ROBO1: variants seen among roughly 807,000 people sequenced by gnomAD.
ROBO1 encodes roundabout guidance receptor 1.
A neutral mutation model predicts 195.9 loss-of-function variants in ROBO1; 149 were observed. That is an observed-to-expected ratio of 0.76 (90% CI 0.67 to 0.87). The LOEUF is 0.87. Among genes scored for constraint, ROBO1 ranks in the 40% least tolerant of loss-of-function variants. ROBO1 has a pLI of 0.00. For missense variants in ROBO1, 1,933 were observed against 2,068.3 expected, an observed-to-expected ratio of 0.93 and a Z score of 1.27; for synonymous variants, 816 against 733.2, an observed-to-expected ratio of 1.11 and a Z score of -1.82.
At chr3:78,675,280 G>A (rs113905275) in intron 10 of ROBO1, among the ~76,000 whole-genome samples, 33 of 152,196 alleles carry the variant, frequency 2.2e-4, no homozygotes, top group African/African-American at 7.0e-4. Context: ...CTGAGGTACC[G>A]GGTTCATCTC....
At chr3:78,664,744 C>T (rs1707635031) in intron 14 of ROBO1, among the ~76,000 whole-genome samples, 1 of 152,186 alleles carries the variant, frequency 6.6e-6, no homozygotes, top group Non-Finnish European at 1.5e-5. Flanking sequence ...TGCCTGCTCC[C>T]TTATGAATCA....
At chr3:78,891,329 T>C (rs1476606885) in intron 4 of ROBO1, among the ~76,000 whole-genome samples, 1 of 150,038 alleles carries the variant, frequency 6.7e-6, no homozygotes, top group Non-Finnish European at 1.5e-5. Context: ...GCAAAAGATA[T>C]AAGAATGGCC....
At chr3:79,269,141 T>A (rs1259741166) in intron 2 of ROBO1, among the ~76,000 whole-genome samples, 1 of 151,696 alleles carries the variant, frequency 6.6e-6, no homozygotes, top group African/African-American at 2.4e-5. Context: ...AACCTCTAAA[T>A]ACATGTGTTT....
chr3:78,737,933 A>G (rs1322726112), intron 5 of ROBO1, among the ~76,000 whole-genome samples: 2 of 152,166 alleles, frequency 1.3e-5, no homozygotes, highest in African/African-American at 4.8e-5. Flanking sequence ...CTATGTATTT[A>G]TTTTGCAGAA....
At chr3:79,452,538 C>A (rs2039479336) in intron 2 of ROBO1, among the ~76,000 whole-genome samples, 1 of 152,112 alleles carries the variant, frequency 6.6e-6, no homozygotes, top group Admixed American at 6.6e-5. Flanking sequence ...TCCACAAAGA[C>A]ATGAGTTGTG....
chr3:79,491,280 A>C (rs942658314), intron 2 of ROBO1, among the ~76,000 whole-genome samples: 1 of 151,608 alleles, frequency 6.6e-6, no homozygotes, highest in African/African-American at 2.4e-5. Flanking sequence ...GTAAGTGATT[A>C]AATACTTGAC....
intron 3 of ROBO1, among the ~76,000 whole-genome samples, chr3:79,068,731 C>T (rs2079041563): frequency 6.6e-6 from 1 of 151,592 alleles, no homozygotes; most frequent in Non-Finnish European, 1.5e-5. Context: ...AGAATAGTCC[C>T]CACTTAAAAA....
At chr3:79,484,555 G>A (rs1939046600) in intron 2 of ROBO1, among the ~76,000 whole-genome samples, 1 of 151,598 alleles carries the variant, frequency 6.6e-6, no homozygotes, top group South Asian at 2.1e-4. Context: ...TTTAATAATT[G>A]GCTGAGATTT....
intron 4 of ROBO1, among the ~76,000 whole-genome samples, chr3:78,896,003 A>G (rs1394722669): frequency 6.6e-6 from 1 of 152,236 alleles, no homozygotes; most frequent in Non-Finnish European, 1.5e-5. Flanking sequence ...ATTCATCACC[A>G]TTGACATATC....
chr3:79,036,975 C>A (rs1183292560), intron 3 of ROBO1, among the ~76,000 whole-genome samples: 2 of 152,042 alleles, frequency 1.3e-5, no homozygotes, highest in African/African-American at 4.8e-5. Flanking sequence ...TGACGTGTTT[C>A]TGAGGAAACC....
intron 1 of ROBO1, among the ~76,000 whole-genome samples, chr3:79,609,319 T>A (rs1258575207): frequency 1.3e-5 from 2 of 151,774 alleles, no homozygotes; most frequent in Admixed American, 6.6e-5. Context: ...ATTTCACTCC[T>A]ATTAGGATGG....
At chr3:78,779,302 C>T (rs1156411974) in intron 4 of ROBO1, among the ~76,000 whole-genome samples, 3 of 152,144 alleles carry the variant, frequency 2.0e-5, no homozygotes, top group African/African-American at 7.2e-5. Context: ...AAGAAACTAT[C>T]ATCAGAATGA....
At chr3:79,126,438 G>C (rs547701195) in intron 2 of ROBO1, among the ~76,000 whole-genome samples, 2 of 152,290 alleles carry the variant, frequency 1.3e-5, no homozygotes, top group Admixed American at 1.3e-4. Flanking sequence ...AGCAGTATGT[G>C]TGTATATAGA....
chr3:78,871,398 C>T (rs562858800), intron 4 of ROBO1, among the ~76,000 whole-genome samples: 126 of 152,048 alleles, frequency 8.3e-4, no homozygotes, highest in Non-Finnish European at 1.4e-3. Flanking sequence ...TTCATCCTTT[C>T]TATTGGTTTA....
At chr3:78,808,694 G>A (rs190787315) in intron 4 of ROBO1, among the ~76,000 whole-genome samples, 24 of 152,078 alleles carry the variant, frequency 1.6e-4, no homozygotes, top group Admixed American at 3.3e-4. Context: ...ATAACACCAC[G>A]CATCTACAAC....
At chr3:78,793,807 T>A (rs185395647) in intron 4 of ROBO1, among the ~76,000 whole-genome samples, 2 of 152,282 alleles carry the variant, frequency 1.3e-5, no homozygotes, top group Admixed American at 1.3e-4. Context: ...TGTCAACTGA[T>A]ATTCAGATAT....
At chr3:78,960,792 ACACACAC>A (rs1560051766) in intron 3 of ROBO1, among the ~76,000 whole-genome samples, 33 of 137,092 alleles carry the variant, frequency 2.4e-4, no homozygotes, top group African/African-American at 6.6e-4. Context: ...ACACACACAC[ACACACAC>A]ACACACACAC....
intron 2 of ROBO1, among the ~76,000 whole-genome samples, chr3:79,570,055 C>A (rs529368650): frequency 6.6e-6 from 1 of 151,914 alleles, no homozygotes; most frequent in Non-Finnish European, 1.5e-5. Flanking sequence ...GAGCCAAGAT[C>A]GCATGACTGC....
intron 4 of ROBO1, among the ~76,000 whole-genome samples, chr3:78,907,666 C>T (rs1576379723): frequency 6.6e-6 from 1 of 151,914 alleles, no homozygotes; most frequent in East Asian, 1.9e-4. Flanking sequence ...ATATAATTTA[C>T]GTCATTTTCT....
Sources: allele counts gnomAD v4.1 joint callset (sites outside exome capture counted in the v4.1 genomes callset), GRCh38; gene constraint gnomAD v4.1.1; transcripts MANE v1.5; gene names NCBI Gene and HGNC (gene_info 2026-07-23, HGNC 2026-07-21).